Variants in SPMIP2 observed in about 807,000 individuals in gnomAD.
The protein encoded by SPMIP2 is sperm microtubule inner protein 2.
At chr4:159,016,402 C>G in the SPMIP2 span, among the ~76,000 whole-genome samples, 1 of 152,190 alleles carries the variant, frequency 6.6e-6, no homozygotes, top group Non-Finnish European at 1.5e-5. Flanking sequence ...CTACTGTTCA[C>G]AAATGAAAAC....
chr4:159,062,872 T>C, the SPMIP2 span, among the ~76,000 whole-genome samples: 3 of 150,174 alleles, frequency 2.0e-5, no homozygotes, highest in African/African-American at 7.4e-5. Context: ...TTTTTTTTTT[T>C]GTAGAGGCAG....
At chr4:158,969,799 TAGAGCTATAAAAATCCAGG>T in the SPMIP2 span, among the ~76,000 whole-genome samples, 1 of 152,162 alleles carries the variant, frequency 6.6e-6, no homozygotes, top group African/African-American at 2.4e-5. Context: ...GAACAGCTGT[TAGAGCTATAAAAATCCAGG>T]AGATGAAAGT....
the SPMIP2 span, chr4:159,007,309 T>C: frequency 3.6e-6 from 3 of 822,672 alleles, no homozygotes; most frequent in Non-Finnish European, 6.2e-6. Context: ...CGGGCCCCAC[T>C]GGACATCTCA....
At chr4:158,976,752 C>G in the SPMIP2 span, among the ~76,000 whole-genome samples, 1 of 137,652 alleles carries the variant, frequency 7.3e-6, no homozygotes, top group Non-Finnish European at 1.5e-5. Context: ...ACCTCCATTT[C>G]CCAGGTTCAA....
chr4:158,920,867 G>A, the SPMIP2 span, among the ~76,000 whole-genome samples: 2 of 152,222 alleles, frequency 1.3e-5, no homozygotes, highest in African/African-American at 2.4e-5. Flanking sequence ...TGTGATCTTT[G>A]TACCTACTCT....
chr4:158,985,418 CA>C, the SPMIP2 span, among the ~76,000 whole-genome samples: 1 of 151,058 alleles, frequency 6.6e-6, no homozygotes, highest in African/African-American at 2.4e-5. Context: ...AGCAGCACAT[CA>C]AAAAGCTTAT....
chr4:158,979,351 A>G, the SPMIP2 span, among the ~76,000 whole-genome samples: 13 of 152,232 alleles, frequency 8.5e-5, no homozygotes, highest in South Asian at 6.2e-4. Flanking sequence ...CCTCCTCTCC[A>G]GGGGAGTGAA....
At chr4:159,025,466 A>T in the SPMIP2 span, among the ~76,000 whole-genome samples, 343 of 152,266 alleles carry the variant, frequency 2.3e-3, 5 homozygotes, top group East Asian at 3.9e-4. Flanking sequence ...CACCCACCCC[A>T]AAATCTGCAT....
chr4:159,016,060 G>A, the SPMIP2 span, among the ~76,000 whole-genome samples: 5 of 152,184 alleles, frequency 3.3e-5, no homozygotes, highest in South Asian at 2.1e-4. Flanking sequence ...CAGGACTTAC[G>A]ACAGACTGAT....
chr4:159,034,530 GT>G, the SPMIP2 span, among the ~76,000 whole-genome samples: 1 of 152,210 alleles, frequency 6.6e-6, no homozygotes, highest in African/African-American at 2.4e-5. Flanking sequence ...TTAAAGACAT[GT>G]TTATGGCAAC....
the SPMIP2 span, among the ~76,000 whole-genome samples, chr4:158,992,377 A>G: frequency 6.6e-6 from 1 of 152,226 alleles, no homozygotes; most frequent in Non-Finnish European, 1.5e-5. Flanking sequence ...ATGGTAAATA[A>G]ACTATTTACA....
the SPMIP2 span, among the ~76,000 whole-genome samples, chr4:158,898,303 A>G: frequency 2.6e-5 from 4 of 152,112 alleles, no homozygotes; most frequent in Admixed American, 2.6e-4. Flanking sequence ...TTTGCTTAGG[A>G]TTGCCTTGGC....
chr4:159,045,017 G>A, the SPMIP2 span, among the ~76,000 whole-genome samples: 1 of 152,120 alleles, frequency 6.6e-6, no homozygotes, highest in Non-Finnish European at 1.5e-5. Context: ...CTTGAACCCA[G>A]GAGGTGGCAG....
the SPMIP2 span, chr4:158,906,960 A>T: frequency 2.6e-5 from 4 of 152,182 alleles, no homozygotes; most frequent in East Asian, 1.9e-4. Context: ...AATTTTTTTT[A>T]AAAAAGAAAA....
At chr4:158,997,231 C>CTT in the SPMIP2 span, among the ~76,000 whole-genome samples, 516 of 135,882 alleles carry the variant, frequency 3.8e-3, 13 homozygotes, top group East Asian at 0.055. Context: ...GTGAATATGG[C>CTT]TTTTTTTTTT....
At chr4:158,969,172 G>A in the SPMIP2 span, among the ~76,000 whole-genome samples, 1 of 152,040 alleles carries the variant, frequency 6.6e-6, no homozygotes. Flanking sequence ...ATTTTGTCAC[G>A]AGGTCAGAGC....
At chr4:158,896,746 T>C in the SPMIP2 span, among the ~76,000 whole-genome samples, 3 of 152,110 alleles carry the variant, frequency 2.0e-5, no homozygotes, top group South Asian at 6.2e-4. Context: ...GTGTTTGCTT[T>C]TGCAGTTAAC....
the SPMIP2 span, among the ~76,000 whole-genome samples, chr4:158,924,357 G>A: frequency 2.0e-4 from 30 of 152,202 alleles, no homozygotes; most frequent in Admixed American, 5.9e-4. Flanking sequence ...CATTTATTGC[G>A]AGGATCATAT....
chr4:158,925,528 G>T, the SPMIP2 span, among the ~76,000 whole-genome samples: 1 of 152,156 alleles, frequency 6.6e-6, no homozygotes, highest in Non-Finnish European at 1.5e-5. Flanking sequence ...GGTTGAATGG[G>T]ATGGTTTCAG....
Sources: allele counts gnomAD v4.1 joint callset (sites outside exome capture counted in the v4.1 genomes callset), GRCh38; gene constraint gnomAD v4.1.1; transcripts MANE v1.5; gene names NCBI Gene and HGNC (gene_info 2026-07-23, HGNC 2026-07-21).